The following BRD10 variants were observed in gnomAD, a reference collection of about 807,000 sequenced individuals.
BRD10 encodes uncharacterized bromodomain-containing protein 10.
chr9:5,887,774 G>C, the BRD10 span, among the ~76,000 whole-genome samples: 1 of 152,162 alleles, frequency 6.6e-6, no homozygotes, highest in African/African-American at 2.4e-5. Flanking sequence ...CTAAGTCATG[G>C]TCTATTGTTC....
At chr9:5,952,509 TTTC>T in the BRD10 span, among the ~76,000 whole-genome samples, 1 of 152,244 alleles carries the variant, frequency 6.6e-6, no homozygotes, top group Non-Finnish European at 1.5e-5. Flanking sequence ...ATTGTGCTGA[TTTC>T]TTTTCTAGTT....
the BRD10 span, among the ~76,000 whole-genome samples, chr9:5,890,356 T>C: frequency 6.6e-6 from 1 of 152,228 alleles, no homozygotes; most frequent in Non-Finnish European, 1.5e-5. Context: ...AAATATTGTA[T>C]GGGACATAGT....
the BRD10 span, among the ~76,000 whole-genome samples, chr9:5,997,667 G>A: frequency 2.6e-5 from 4 of 152,010 alleles, no homozygotes; most frequent in African/African-American, 9.7e-5. Context: ...TTGATGTTGC[G>A]ACAACTGGCT....
the BRD10 span, among the ~76,000 whole-genome samples, chr9:5,879,888 A>T: frequency 6.6e-6 from 1 of 152,252 alleles, no homozygotes; most frequent in African/African-American, 2.4e-5. Flanking sequence ...CTACTGAATT[A>T]TTTTTTAATG....
the BRD10 span, among the ~76,000 whole-genome samples, chr9:5,952,020 T>C: frequency 2.0e-4 from 30 of 148,722 alleles, no homozygotes; most frequent in African/African-American, 6.9e-4. Context: ...TATTTATTTA[T>C]TTATTTATTT....
At chr9:5,954,065 G>A in the BRD10 span, 15 of 1,561,878 alleles carry the variant, frequency 9.6e-6, no homozygotes, top group East Asian at 9.3e-5. Context: ...CCTCTTCTTT[G>A]TGATTGCTTT....
At chr9:5,929,760 A>T in the BRD10 span, among the ~76,000 whole-genome samples, 2 of 152,160 alleles carry the variant, frequency 1.3e-5, no homozygotes, top group Non-Finnish European at 2.9e-5. Context: ...TTTCACATAT[A>T]TATATATCTA....
the BRD10 span, among the ~76,000 whole-genome samples, chr9:5,906,178 A>C: frequency 2.7e-4 from 40 of 146,846 alleles, 1 homozygote; most frequent in Admixed American, 7.0e-5. Context: ...TAGCAAGATC[A>C]TGTCTCTTAA....
the BRD10 span, among the ~76,000 whole-genome samples, chr9:5,993,296 C>CA: frequency 7.7e-6 from 1 of 129,388 alleles, no homozygotes; most frequent in East Asian, 2.2e-4. Context: ...GCCTGGGTGA[C>CA]AGAGTGAGAC....
the BRD10 span, among the ~76,000 whole-genome samples, chr9:5,956,112 C>T: frequency 1.3e-5 from 2 of 151,970 alleles, no homozygotes; most frequent in Non-Finnish European, 2.9e-5. Context: ...ACCAGCCCTA[C>T]TCTGATTAGC....
the BRD10 span, chr9:5,920,884 G>A: frequency 1.1e-5 from 18 of 1,613,956 alleles, no homozygotes; most frequent in African/African-American, 1.2e-4. Context: ...CAGTGTTTCC[G>A]AGACTTGATG....
the BRD10 span, among the ~76,000 whole-genome samples, chr9:5,892,022 T>C: frequency 1.3e-5 from 2 of 152,230 alleles, no homozygotes; most frequent in African/African-American, 4.8e-5. Flanking sequence ...TATCCAACAA[T>C]AACTTTGGAG....
At chr9:6,007,934 C>T in the BRD10 span, 1 of 1,330,070 alleles carries the variant, frequency 7.5e-7, no homozygotes, top group Non-Finnish European at 9.6e-7. Flanking sequence ...CGGCTCGGCT[C>T]GGTGCGCGCG....
chr9:5,881,581 G>C, the BRD10 span: 1 of 152,178 alleles, frequency 6.6e-6, no homozygotes, highest in African/African-American at 2.4e-5. Flanking sequence ...CTCTGCCTCT[G>C]GAACACCGTG....
the BRD10 span, among the ~76,000 whole-genome samples, chr9:5,977,342 G>C: frequency 6.6e-6 from 1 of 152,116 alleles, no homozygotes; most frequent in African/African-American, 2.4e-5. Flanking sequence ...TGTGAGGAAG[G>C]ACAAAAAAGT....
the BRD10 span, among the ~76,000 whole-genome samples, chr9:5,907,940 CA>C: frequency 6.6e-6 from 1 of 152,088 alleles, no homozygotes; most frequent in African/African-American, 2.4e-5. Flanking sequence ...GAGACAAGAG[CA>C]AAACTCCATC....
At chr9:5,921,387 T>C in the BRD10 span, 16 of 1,614,000 alleles carry the variant, frequency 9.9e-6, no homozygotes, top group Non-Finnish European at 1.3e-5. Flanking sequence ...ACATATGCTT[T>C]ATGCAATGGA....
At chr9:5,980,595 G>C in the BRD10 span, among the ~76,000 whole-genome samples, 1 of 151,536 alleles carries the variant, frequency 6.6e-6, no homozygotes, top group Admixed American at 6.6e-5. Context: ...AACCAAATTA[G>C]GTACATTTAA....
the BRD10 span, among the ~76,000 whole-genome samples, chr9:5,976,161 A>C: frequency 6.6e-6 from 1 of 152,194 alleles, no homozygotes; most frequent in African/African-American, 2.4e-5. Flanking sequence ...AGTAGCCTTA[A>C]AGATACTCTG....
Sources: allele counts gnomAD v4.1 joint callset (sites outside exome capture counted in the v4.1 genomes callset), GRCh38; gene constraint gnomAD v4.1.1; transcripts MANE v1.5; gene names NCBI Gene and HGNC (gene_info 2026-07-23, HGNC 2026-07-21).